The following CHD9 variants were observed in gnomAD, a reference collection of about 807,000 sequenced individuals.
CHD9 encodes the protein ATP-dependent chromatin remodeler CHD9.
In CHD9, 77 loss-of-function variants were observed where a neutral mutation model predicts 316.1. The ratio of observed to expected loss-of-function variants is 0.24; its 90% CI spans 0.20 to 0.29. The LOEUF is 0.29. Among genes scored for constraint, CHD9 ranks in the 10% least tolerant of loss-of-function variants. CHD9 has a pLI of 1.00. For synonymous variants in CHD9, 1,129 were observed against 1,158.3 expected, an observed-to-expected ratio of 0.97 and a Z score of 0.51; for missense variants, 2,763 against 3,438.1, an observed-to-expected ratio of 0.80 and a Z score of 4.91.
intron 1 of CHD9, among the ~76,000 whole-genome samples, chr16:53,063,163 C>T (rs2033106801): frequency 2.0e-5 from 3 of 151,996 alleles, no homozygotes; most frequent in Admixed American, 1.3e-4. Flanking sequence ...AATTAATCCT[C>T]ACCAATATGG....
intron 16 of CHD9, among the ~76,000 whole-genome samples, chr16:53,248,526 G>GTTTTTTTTTTTTTT (rs542703474): frequency 6.6e-5 from 7 of 105,990 alleles, no homozygotes; most frequent in Non-Finnish European, 9.3e-5. Flanking sequence ...TTTTTTTTTT[G>GTTTTTTTTTTTTTT]TTTTTTTTTT....
At chr16:53,186,635 CA>C (rs770557426) in intron 2 of CHD9, among the ~76,000 whole-genome samples, 2 of 152,138 alleles carry the variant, frequency 1.3e-5, no homozygotes, top group Non-Finnish European at 2.9e-5. Context: ...TTTCCCCACC[CA>C]AAATCTCATC....
At position 53,245,364 on chromosome 16, in the gene CHD9, C is replaced by T; in HGVS notation, c.3083C>T (p.Pro1028Leu). The T allele has an allele frequency of 6.4e-7, 1 of 1,559,790 alleles. No individual in the cohort carries two copies. Among genetic ancestry groups the T allele is most frequent in the Non-Finnish European group, 8.7e-7 (1 of 1,153,864 alleles). ...CACAAGGTGCTTTTGACTGGCACCC[C>T]TCTCCAAAATACAGTTGAAGAACTA... is the stretch of plus-strand genomic sequence containing the variant. Reference protein sequence around the residue: ...LEHKVLLTGTPLQNTVEELFS... With the variant: ...LEHKVLLTGTLLQNTVEELFS... Residue 1028 changes from proline to leucine, a missense_variant, in exon 14 of 39, where the codon CCT (proline) becomes CTT (leucine). By Grantham distance (98) the Pro-to-Leu change is moderately conservative (BLOSUM62 -3). This residue lies in a region of CHD9 where 155 missense variants were observed against 291.8 expected (regional missense o/e 0.53). Transcript: ENST00000447540. The surrounding 1 kb of genome is among the most constrained non-coding windows in gnomAD (Gnocchi z 4.1).
At chr16:53,293,189 A>AC in intron 29 of CHD9, 137 bp downstream of exon 29, 1 of 664,350 alleles carries the variant, frequency 1.5e-6, no homozygotes, top group Non-Finnish European at 2.6e-6. Context: ...TTGTGCACAT[A>AC]CACACATATA....
intron 2 of CHD9, among the ~76,000 whole-genome samples, chr16:53,163,764 A>AT (rs1466229281): frequency 6.6e-6 from 1 of 152,228 alleles, no homozygotes; most frequent in Non-Finnish European, 1.5e-5. Context: ...AAATATCTTC[A>AT]TATTTTTATC....
intron 2 of CHD9, among the ~76,000 whole-genome samples, chr16:53,165,079 A>G (rs2042183174): frequency 6.6e-6 from 1 of 152,240 alleles, no homozygotes. Flanking sequence ...CCGTGTAAGT[A>G]GAAGTCACAG....
intron 34 of CHD9, 142 bp downstream of exon 34, chr16:53,308,996 A>G (rs946393385): frequency 1.6e-6 from 1 of 630,240 alleles, no homozygotes; most frequent in Non-Finnish European, 2.5e-6. Flanking sequence ...AGAATTTTAA[A>G]TCTTAACAAA....
In CHD9 at chr16:53,307,956, A is replaced by G; in HGVS notation, c.7053+3A>G. ...AGTTTACAGTGAAAATCAAAGACGT[A>G]TGTGTATTTTTATTGCCCTAGGGCC... On this transcript the variant is annotated splice_donor_region_variant and intron_variant, in intron 33 of 38. Coordinates refer to ENST00000447540, the MANE Select transcript of CHD9 (RefSeq NM_001308319.2). The G allele has an allele frequency of 6.3e-7, 1 of 1,591,484 alleles. No homozygotes were observed. The highest frequency in any genetic ancestry group is 8.6e-7 in the Non-Finnish European group (1 of 1,168,878).
At chr16:53,298,690 T>C (rs901404130) in intron 30 of CHD9, 1 of 152,592 alleles carries the variant, frequency 6.6e-6, no homozygotes, top group Non-Finnish European at 1.5e-5. Flanking sequence ...ACCAAACATA[T>C]GGTACTGTGT....
intron 1 of CHD9, among the ~76,000 whole-genome samples, chr16:53,148,972 A>G (rs1205636803): frequency 2.0e-5 from 3 of 151,932 alleles, no homozygotes; most frequent in African/African-American, 4.8e-5. Flanking sequence ...TTGCGTTTCA[A>G]TTTTCATTTG....
At position 53,324,223 on chromosome 16, in the gene CHD9, C is replaced by G. The variant is rs2057446628; in HGVS notation, c.8022C>G (p.Ala2674=). 1.2e-6 allele frequency: 2 copies of G among 1,613,716 alleles called. No homozygotes were observed. The highest frequency in any genetic ancestry group is 1.7e-6 in the Non-Finnish European group (2 of 1,179,804). Residue 2674 remains alanine, a synonymous_variant, in exon 39 of 39, where the codon GCC becomes GCG. Transcript: ENST00000447540. The stretch of plus-strand genomic sequence containing the variant: ...GTGTGGATCTCACAACTCTTCAGGC[C>G]TTACAACAAAACCTACAAAACTTGC... ...LPGVDLTTLQ[A]LQQNLQNLQS...
intron 1 of CHD9, among the ~76,000 whole-genome samples, chr16:53,139,696 A>G (rs575061027): frequency 6.6e-6 from 1 of 152,354 alleles, no homozygotes; most frequent in South Asian, 2.1e-4. Flanking sequence ...AGCACTTACT[A>G]CTGTATGTTG....
chr16:53,270,861 G>A (rs574971868), intron 22 of CHD9, among the ~76,000 whole-genome samples: 1 of 152,210 alleles, frequency 6.6e-6, no homozygotes, highest in East Asian at 1.9e-4. Context: ...GGTGTATAAG[G>A]ATAGAAGCTT....
At chr16:53,183,373 T>G (rs955303552) in intron 2 of CHD9, among the ~76,000 whole-genome samples, 3 of 152,192 alleles carry the variant, frequency 2.0e-5, no homozygotes, top group Non-Finnish European at 4.4e-5. Flanking sequence ...TTTCTGTAAT[T>G]TCATCATAAT....
chr16:53,221,098 G>C (rs1237642959), intron 3 of CHD9, among the ~76,000 whole-genome samples: 1 of 152,142 alleles, frequency 6.6e-6, no homozygotes, highest in Non-Finnish European at 1.5e-5. Context: ...TCAAATCCTA[G>C]AGCCTAGGAA....
In CHD9 at chr16:53,326,946, G is replaced by A. The variant is rs953514713; in HGVS notation, c.*2051G>A. The A allele has an allele frequency of 4.6e-5, 7 of 151,516 alleles. No individual in the cohort carries two copies. The highest frequency in any genetic ancestry group is 8.9e-5 in the Non-Finnish European group (6 of 67,770). 9.4% of individuals were successfully genotyped at this position (151,516 alleles called of 1,614,324 possible). The stretch of plus-strand genomic sequence containing the variant: ...ATTTATATCAAATTTATGAGAGAAA[G>A]TATTTTCCTAATTATGGTCAAATAA... On this transcript the variant is annotated 3_prime_UTR_variant, in exon 39 of 39. Transcript: ENST00000447540.
Position 53,156,372 on chromosome 16 carries a change from T to C in CHD9, c.283T>C (p.Ser95Pro). The change falls in exon 2 of 39, where the codon TCT becomes CCT. Residue 95 changes from serine (S) to proline (P), a missense_variant. By Grantham distance (74) the Ser-to-Pro change is moderately conservative (BLOSUM62 -1). This residue lies in a region of CHD9 where 859 missense variants were observed against 890.4 expected (regional missense o/e 0.96). Coordinates refer to ENST00000447540, the MANE Select transcript of CHD9 (RefSeq NM_001308319.2). Reference protein sequence around the residue: ...SFGSPAEHVLSPHSQFNCSPI... With the variant: ...SFGSPAEHVLPPHSQFNCSPI... ...TGGTAGCCCAGCTGAACATGTGTTA[T>C]CTCCACACTCTCAGTTTAATTGTTC... 1 of 1,614,000 alleles carries C rather than the reference T, an allele frequency of 6.2e-7. No individual in the cohort carries two copies. The highest frequency in any genetic ancestry group is 8.5e-7 in the Non-Finnish European group (1 of 1,179,866).
At chr16:53,061,926 G>T (rs2032955319) in intron 1 of CHD9, among the ~76,000 whole-genome samples, 1 of 152,194 alleles carries the variant, frequency 6.6e-6, no homozygotes, top group South Asian at 2.1e-4. Context: ...GATGGCTTTG[G>T]TGTGGCACAG....
chr16:53,077,508 T>C (rs1393701766), intron 1 of CHD9, among the ~76,000 whole-genome samples: 1 of 151,656 alleles, frequency 6.6e-6, no homozygotes, highest in African/African-American at 2.4e-5. Flanking sequence ...TTTGTATTTT[T>C]AGTAGAGACG....
Sources: allele counts gnomAD v4.1 joint callset (sites outside exome capture counted in the v4.1 genomes callset), GRCh38; gene constraint gnomAD v4.1.1; regional missense constraint gnomAD v4.1.1; non-coding constraint Gnocchi (gnomAD v3.1); transcripts MANE v1.5; gene names NCBI Gene and HGNC (gene_info 2026-07-23, HGNC 2026-07-21).